FMNL3: variants seen among roughly 807,000 people sequenced by gnomAD.
FMNL3 encodes the protein formin-like protein 3.
FMNL3 carries 57 observed loss-of-function variants against 119.6 expected under a neutral mutation model. The observed-to-expected ratio is 0.48, with a 90% confidence interval of 0.39 to 0.59. FMNL3 has a LOEUF of 0.59. Ranked by LOEUF, FMNL3 falls within the 20% of genes least tolerant of loss-of-function variation. The pLI, the probability that FMNL3 is intolerant of heterozygous loss-of-function variation, is 0.00. For synonymous variants in FMNL3, 491 were observed against 507.3 expected, an observed-to-expected ratio of 0.97 and a Z score of 0.43; for missense variants, 1,053 against 1,323.5, an observed-to-expected ratio of 0.80 and a Z score of 3.17.
Position 49,645,874 on chromosome 12 carries a change from G to A in FMNL3, c.3025C>T (p.His1009Tyr), listed in dbSNP as rs1182854354. Residue 1009 changes from histidine (H) to tyrosine (Y), a missense_variant, in exon 26 of 26, where the codon CAC (histidine) becomes TAC (tyrosine). By Grantham distance (83) the His-to-Tyr change is moderately conservative. Transcript: ENST00000335154. ...GLHCQPMVVR[H>Y]QARSAAPPSG... Reference sequence around the variant, plus strand: ...GGCGGTGCAGCACTCCTGGCTTGGTGGCGAACAACCATAGGCTGGCAGTGG... The same window carrying A: ...GGCGGTGCAGCACTCCTGGCTTGGTAGCGAACAACCATAGGCTGGCAGTGG... The A allele has an allele frequency of 6.2e-7, 1 of 1,611,984 alleles. No homozygotes were observed. The highest frequency in any genetic ancestry group is 1.3e-5 in the African/African-American group (1 of 74,738).
intron 1 of FMNL3, among the ~76,000 whole-genome samples, chr12:49,706,276 A>G (rs1945045175): frequency 6.6e-6 from 1 of 152,058 alleles, no homozygotes; most frequent in South Asian, 2.1e-4. Context: ...ATTTATACAG[A>G]CCGTTTGAAA....
At chr12:49,664,471 C>T (rs563806161) in intron 4 of FMNL3, among the ~76,000 whole-genome samples, 3 of 152,190 alleles carry the variant, frequency 2.0e-5, no homozygotes, top group East Asian at 1.9e-4. Flanking sequence ...TGGAGGAATG[C>T]GGAGTGGTAG....
In FMNL3 at chr12:49,647,468, A is replaced by G; in HGVS notation, c.2779-100T>C. The G allele has an allele frequency of 4.5e-6, 6 of 1,337,408 alleles. No individual in the cohort carries two copies. Among genetic ancestry groups the G allele is most frequent in the Non-Finnish European group, 6.4e-6 (6 of 942,044 alleles). The allele number at this position is 1,337,408 out of a possible 1,614,324, so 82.8% of individuals were successfully genotyped here. A position where few individuals can be genotyped will look rare whatever the true frequency, so the allele number is the denominator to read the frequency against. On this transcript the variant is annotated intron_variant, in intron 23 of 25. Transcript: ENST00000335154. The surrounding 1 kb of genome is among the most constrained non-coding windows in gnomAD (Gnocchi z 4.9). Reference sequence around the variant, plus strand: ...AGAGTGGGTGGCAGTGGGACCCGCTAACTCCAGGTGGCCACCCTCTGGAGG... The same window carrying G: ...AGAGTGGGTGGCAGTGGGACCCGCTGACTCCAGGTGGCCACCCTCTGGAGG...
chr12:49,643,771 A>G lies in FMNL3; in HGVS notation c.*2044T>C, dbSNP rs1393402421. On this transcript the variant is annotated 3_prime_UTR_variant, in exon 26 of 26. Transcript: ENST00000335154. ...CAAGTCGGTGAGTGAAGGAACTTCT[A>G]CCTAAGCCCCTGCTATTTTGTGAGT... 1.2e-6 allele frequency: 2 copies of G among 1,613,762 alleles called. No homozygotes were observed. The highest frequency in any genetic ancestry group is 2.7e-5 in the African/African-American group (2 of 74,926).
At position 49,642,830 on chromosome 12, in the gene FMNL3, T is replaced by C; in HGVS notation, c.*2985A>G. On this transcript the variant is annotated 3_prime_UTR_variant, in exon 26 of 26. Transcript: ENST00000335154. The surrounding 1 kb of genome is among the most constrained non-coding windows in gnomAD (Gnocchi z 5.8). ...GATCCCTGGGATAGGCAGAAGGCTC[T>C]AGTCTGAGAAAGGGAGGCAAAGCCA... 2.8e-6 allele frequency: 4 copies of C among 1,447,176 alleles called. No homozygotes were observed. The highest frequency in any genetic ancestry group is 3.8e-6 in the Non-Finnish European group (4 of 1,054,254). 89.6% of individuals were successfully genotyped at this position (1,447,176 alleles called of 1,614,324 possible). A position where few individuals can be genotyped will look rare whatever the true frequency, so the allele number is the denominator to read the frequency against.
At chr12:49,656,603 A>C in intron 8 of FMNL3, 106 bp from the exon 9 acceptor site, 3 of 1,051,898 alleles carry the variant, frequency 2.9e-6, no homozygotes, top group Non-Finnish European at 4.2e-6. Context: ...AGAAAGCCTC[A>C]GTGGTGAGGA....
At chr12:49,700,858 T>C (rs530602722) in intron 1 of FMNL3, among the ~76,000 whole-genome samples, 40 of 151,102 alleles carry the variant, frequency 2.6e-4, no homozygotes, top group Non-Finnish European at 5.6e-4. Context: ...GGTGGGTAGA[T>C]CTAAGGTCAG....
At chr12:49,688,702 T>C (rs561665273) in intron 1 of FMNL3, 1 of 357,112 alleles carries the variant, frequency 2.8e-6, no homozygotes, top group East Asian at 7.3e-5. Context: ...TCAACTACAG[T>C]AGTGGTAGTA....
chr12:49,690,241 T>C (rs750893004), intron 1 of FMNL3, among the ~76,000 whole-genome samples: 1 of 152,234 alleles, frequency 6.6e-6, no homozygotes, highest in Non-Finnish European at 1.5e-5. Context: ...CATTATCTTC[T>C]ATTTATTTTG....
intron 17 of FMNL3, among the ~76,000 whole-genome samples, chr12:49,650,272 G>A (rs558444008): frequency 6.6e-6 from 1 of 152,148 alleles, no homozygotes; most frequent in Non-Finnish European, 1.5e-5. Flanking sequence ...TAGTACCCAA[G>A]GCACTATGCT....
rs1393402421 is a variant in FMNL3, at chr12:49,643,771, A to C, written c.*2044T>G. ...CAAGTCGGTGAGTGAAGGAACTTCTACCTAAGCCCCTGCTATTTTGTGAGT... is the reference window on the plus strand; with the variant it reads ...CAAGTCGGTGAGTGAAGGAACTTCTCCCTAAGCCCCTGCTATTTTGTGAGT... On this transcript the variant is annotated 3_prime_UTR_variant, in exon 26 of 26. Coordinates refer to ENST00000335154, the MANE Select transcript of FMNL3 (RefSeq NM_175736.5). 6.2e-7 allele frequency: 1 copy of C among 1,613,762 alleles called. No homozygotes were observed. The highest frequency in any genetic ancestry group is 8.5e-7 in the Non-Finnish European group (1 of 1,179,924).
intron 1 of FMNL3, among the ~76,000 whole-genome samples, chr12:49,670,356 T>A (rs1944011740): frequency 6.6e-6 from 1 of 152,236 alleles, no homozygotes; most frequent in African/African-American, 2.4e-5. Context: ...CTAAACCAGC[T>A]GTATACTCAT....
chr12:49,673,433 C>A (rs916987008), intron 1 of FMNL3, among the ~76,000 whole-genome samples: 2 of 152,252 alleles, frequency 1.3e-5, no homozygotes, highest in African/African-American at 4.8e-5. Flanking sequence ...CACAAACCAA[C>A]AGATCTGCCC....
At position 49,649,812 on chromosome 12, in the gene FMNL3, T is replaced by C; in HGVS notation, c.2114A>G (p.Glu705Gly). ...GAAGCGGTCCTCAGCTGCCAACTCC[T>C]CCAGGGGCTGCCGCTCCCGCTCATA... ...RQYERERQPLEELAAEDRFML... is the reference protein window; with the variant it reads ...RQYERERQPLGELAAEDRFML... The change falls in exon 18 of 26, where the codon GAG becomes GGG. Residue 705 changes from glutamate to glycine, a missense_variant. By Grantham distance (98) the Glu-to-Gly change is moderately conservative. Coordinates refer to ENST00000335154, the MANE Select transcript of FMNL3 (RefSeq NM_175736.5). The surrounding 1 kb of genome is among the most constrained non-coding windows in gnomAD (Gnocchi z 5.6). 6.2e-7 allele frequency: 1 copy of C among 1,614,194 alleles called. No individual in the cohort carries two copies. The highest frequency in any genetic ancestry group is 1.6e-4 in the Middle Eastern group (1 of 6,062).
rs200245933 is a variant in FMNL3, at chr12:49,647,088, G to A, written c.2872-79C>T. The A allele has an allele frequency of 2.1e-5, 34 of 1,601,568 alleles. No homozygotes were observed. The East Asian group carries it at 6.0e-4, about 28-fold the overall frequency. ...TGGTTCCTGCCCCAAGGTGCAGTCT[G>A]AGGATGCCACTGCTTGTGCACTGCT... On this transcript the variant is annotated intron_variant, in intron 24 of 25. Transcript: ENST00000335154. This position sits in a 1 kb window ranked among gnomAD's most constrained non-coding sequence, Gnocchi z 4.9.
At chr12:49,652,311 C>T in intron 13 of FMNL3, 99 bp from the exon 14 acceptor site, 1 of 1,479,712 alleles carries the variant, frequency 6.8e-7, no homozygotes, top group Non-Finnish European at 9.0e-7. Context: ...TAACGAGGGT[C>T]TCTGTCAGGG....
At chr12:49,705,754 T>G (rs1294394613) in intron 1 of FMNL3, among the ~76,000 whole-genome samples, 1 of 152,206 alleles carries the variant, frequency 6.6e-6, no homozygotes, top group African/African-American at 2.4e-5. Flanking sequence ...CCTTTGGCCC[T>G]TCGCAGAGCT....
chr12:49,681,439 T>C (rs1047939981), intron 1 of FMNL3, among the ~76,000 whole-genome samples: 2 of 152,190 alleles, frequency 1.3e-5, no homozygotes, highest in African/African-American at 4.8e-5. Flanking sequence ...TCCACCCGCC[T>C]TGGCCTCCCA....
intron 2 of FMNL3, among the ~76,000 whole-genome samples, chr12:49,668,110 C>T (rs1943939860): frequency 6.6e-6 from 1 of 152,154 alleles, no homozygotes; most frequent in African/African-American, 2.4e-5. Context: ...TGAGAAAGAC[C>T]CTGCTATTTG....
Sources: gnomAD v4.1 joint callset for allele counts (sites outside exome capture counted in the v4.1 genomes callset) on GRCh38, gnomAD v4.1.1 for gene constraint, Gnocchi (gnomAD v3.1) non-coding constraint, MANE v1.5 for transcripts, NCBI Gene and HGNC (gene_info 2026-07-23, HGNC 2026-07-21) for gene names.